The following SYT1 variants were observed in gnomAD, a reference collection of about 807,000 sequenced individuals.
The protein encoded by SYT1 is synaptotagmin-1.
Under a neutral mutation model 44.8 loss-of-function variants are expected in SYT1, and 8 were observed. That is an observed-to-expected ratio of 0.18 (90% CI 0.10 to 0.32). SYT1 has a LOEUF of 0.32. SYT1 is among the 10% of genes least tolerant of loss of function. The probability of loss-of-function intolerance (pLI) is 1.00; values close to 1 mark genes in which losing one functional copy is unlikely to be tolerated. For missense variants in SYT1, 286 were observed against 509.3 expected, an observed-to-expected ratio of 0.56 and a Z score of 4.22; for synonymous variants, 154 against 188.8, an observed-to-expected ratio of 0.82 and a Z score of 1.51.
chr12:79,042,942 G>A (rs1873707389), intron 2 of SYT1, among the ~76,000 whole-genome samples: 2 of 150,496 alleles, frequency 1.3e-5, no homozygotes, highest in Admixed American at 6.7e-5. Flanking sequence ...GGTTTTGAAT[G>A]AGATTCTTAA....
chr12:79,253,466 C>CT (rs1162816805), intron 4 of SYT1, among the ~76,000 whole-genome samples: 1 of 147,914 alleles, frequency 6.8e-6, no homozygotes, highest in African/African-American at 2.5e-5. Flanking sequence ...AACTGTTCCA[C>CT]CAAAAGCCAT....
At chr12:78,992,044 C>T (rs12578239) in intron 2 of SYT1, among the ~76,000 whole-genome samples, 3 of 152,174 alleles carry the variant, frequency 2.0e-5, no homozygotes, top group East Asian at 1.9e-4. Flanking sequence ...ACTGCCCTTT[C>T]CCCAACTCAA....
At chr12:79,393,678 G>C (rs369113921) in intron 9 of SYT1, 1 of 152,080 alleles carries the variant, frequency 6.6e-6, no homozygotes, top group African/African-American at 2.4e-5. Context: ...ATTTGTTTAA[G>C]TTCTTTGTAG....
At chr12:78,882,372 C>A (rs1874506238) in intron 1 of SYT1, among the ~76,000 whole-genome samples, 1 of 151,580 alleles carries the variant, frequency 6.6e-6, no homozygotes, top group Non-Finnish European at 1.5e-5. Context: ...TGATTGGATC[C>A]AATCTGAATA....
At chr12:78,934,038 A>G (rs61929220) in intron 1 of SYT1, among the ~76,000 whole-genome samples, 7,198 of 151,916 alleles carry the variant, frequency 0.047, 217 homozygotes, top group Admixed American at 0.083. Flanking sequence ...ATGTTCCAAG[A>G]CCCCCAATGG....
intron 4 of SYT1, among the ~76,000 whole-genome samples, chr12:79,262,447 C>A (rs961637466): frequency 6.3e-4 from 53 of 83,994 alleles, no homozygotes; most frequent in African/African-American, 3.0e-3. Flanking sequence ...GCCAAGATCA[C>A]TTTTTACAAG....
chr12:79,447,901 G>A (rs763391979), intron 10 of SYT1, among the ~76,000 whole-genome samples: 1 of 151,998 alleles, frequency 6.6e-6, no homozygotes, highest in Non-Finnish European at 1.5e-5. Context: ...TAACTCAGCT[G>A]GTTCTTAATC....
chr12:79,060,936 A>C (rs1338548809), intron 3 of SYT1, among the ~76,000 whole-genome samples: 2 of 152,096 alleles, frequency 1.3e-5, no homozygotes, highest in African/African-American at 4.8e-5. Context: ...ATGAGTTATA[A>C]ATATGCCACA....
chr12:78,904,742 C>T (rs1449034930), intron 1 of SYT1, among the ~76,000 whole-genome samples: 1 of 152,068 alleles, frequency 6.6e-6, no homozygotes, highest in South Asian at 2.1e-4. Flanking sequence ...CATAAAAATA[C>T]ACAAGTGGAC....
chr12:78,897,902 T>C (rs1875450781), intron 1 of SYT1, among the ~76,000 whole-genome samples: 1 of 151,956 alleles, frequency 6.6e-6, no homozygotes, highest in Admixed American at 6.6e-5. Flanking sequence ...AACTCCCAAG[T>C]TAGGACATGA....
At chr12:79,125,573 T>C (rs1056438475) in intron 3 of SYT1, among the ~76,000 whole-genome samples, 22 of 150,350 alleles carry the variant, frequency 1.5e-4, no homozygotes, top group Admixed American at 1.1e-3. Context: ...TGAGCTGTGA[T>C]TGCACCACTG....
Position 78,921,457 on chromosome 12 carries a change from T to C in SYT1, c.-216-56342T>C, listed in dbSNP as rs1446486034. ...AAATATTTAAGGAGAGACTTTAATA[T>C]TCTTAAACATAACCCTTCAAATCCT... On this transcript the variant is annotated intron_variant, in intron 1 of 10. Coordinates refer to ENST00000261205, the MANE Select transcript of SYT1 (RefSeq NM_005639.3). Among the ~76,000 whole-genome samples, 4 of 152,174 alleles carry C rather than the reference T, an allele frequency of 2.6e-5. No homozygotes were observed. In the South Asian group the frequency reaches 8.3e-4, roughly 32 times the overall value.
At chr12:79,217,456 G>T in intron 3 of SYT1, 47 bp from the exon 4 acceptor site, 1 of 1,458,360 alleles carries the variant, frequency 6.9e-7, no homozygotes, top group Non-Finnish European at 9.0e-7. Context: ...TGTGGGAGCA[G>T]TTAAGCCATT....
At chr12:79,181,944 G>A (rs1200796663) in intron 3 of SYT1, among the ~76,000 whole-genome samples, 1 of 151,826 alleles carries the variant, frequency 6.6e-6, no homozygotes. Flanking sequence ...TTCCTCTGGA[G>A]CACTATAAGT....
chr12:79,156,799 C>A (rs999587683), intron 3 of SYT1, among the ~76,000 whole-genome samples: 15 of 152,182 alleles, frequency 9.9e-5, no homozygotes, highest in Middle Eastern at 3.4e-3. Context: ...ATTATTTAAT[C>A]AAAAATCATC....
chr12:79,199,761 A>T (rs1307803925), intron 3 of SYT1, among the ~76,000 whole-genome samples: 1 of 152,124 alleles, frequency 6.6e-6, no homozygotes, highest in Non-Finnish European at 1.5e-5. Context: ...ATCAAATTTT[A>T]TACTGTGGTA....
chr12:78,883,581 T>A (rs1874580005), intron 1 of SYT1, among the ~76,000 whole-genome samples: 1 of 151,704 alleles, frequency 6.6e-6, no homozygotes. Flanking sequence ...GTAATTTAAA[T>A]GCTCATTTTG....
In SYT1 at chr12:78,918,424, G is replaced by A. The variant is rs147647970; in HGVS notation, c.-217+53315G>A. ...GCTTTTTCTGGAGAGCCATACCAGG[G>A]CAGAGTTGACTGATTGAGGGAATTA... On this transcript the variant is annotated intron_variant, in intron 1 of 10. Coordinates refer to ENST00000261205, the MANE Select transcript of SYT1 (RefSeq NM_005639.3). Among the ~76,000 whole-genome samples, 736 of 152,164 alleles carry A rather than the reference G, an allele frequency of 4.8e-3. 28 individuals carry two copies. Among genetic ancestry groups the A allele is most frequent in the Non-Finnish European group, 1.1e-3 (78 of 67,978 alleles).
At chr12:78,997,981 T>G (rs946095062) in intron 2 of SYT1, among the ~76,000 whole-genome samples, 4 of 152,154 alleles carry the variant, frequency 2.6e-5, no homozygotes, top group Non-Finnish European at 5.9e-5. Context: ...AAGACTGGAT[T>G]CATTTAAATT....
Sources: allele counts gnomAD v4.1 joint callset (sites outside exome capture counted in the v4.1 genomes callset), GRCh38; gene constraint gnomAD v4.1.1; transcripts MANE v1.5; gene names NCBI Gene and HGNC (gene_info 2026-07-23, HGNC 2026-07-21).